SLC2A9: variants seen among roughly 807,000 people sequenced by gnomAD.
The protein encoded by SLC2A9 is solute carrier family 2 member 9.
A neutral mutation model predicts 50.6 loss-of-function variants in SLC2A9; 39 were observed. The observed-to-expected ratio is 0.77, with a 90% CI of 0.60 to 1.01. The LOEUF is 1.01. Ranked by LOEUF, SLC2A9 falls within the 50% of genes least tolerant of loss-of-function variation. The probability of loss-of-function intolerance (pLI) is 0.00; values close to 1 mark genes in which losing one functional copy is unlikely to be tolerated. For synonymous variants in SLC2A9, 324 were observed against 276.9 expected (o/e 1.17, Z -1.69); for missense variants, 686 against 677.6 (o/e 1.01, Z -0.14).
At chr4:9,958,993 GTA>G (rs1175801860) in intron 5 of SLC2A9, among the ~76,000 whole-genome samples, 14 of 43,420 alleles carry the variant, frequency 3.2e-4, no homozygotes, top group African/African-American at 1.1e-3. Flanking sequence ...AGAAAGGAAA[GTA>G]ATCGGTAAAT....
chr4:9,899,093 G>A (rs1481806690), intron 8 of SLC2A9, among the ~76,000 whole-genome samples: 1 of 152,186 alleles, frequency 6.6e-6, no homozygotes, highest in Non-Finnish European at 1.5e-5. Flanking sequence ...GCAGACAACT[G>A]AGACTCTTTC....
intron 7 of SLC2A9, 116 bp downstream of exon 7, chr4:9,920,269 T>C: frequency 9.3e-7 from 1 of 1,079,076 alleles, no homozygotes; most frequent in Non-Finnish European, 1.4e-6. Flanking sequence ...GCATAGAGTT[T>C]GTGGCAATGA....
chr4:9,983,476 C>T (rs1317380887), intron 4 of SLC2A9, among the ~76,000 whole-genome samples: 1 of 152,184 alleles, frequency 6.6e-6, no homozygotes, highest in Admixed American at 6.5e-5. Context: ...CAGCCCAGGC[C>T]CCCCTGGCCC....
chr4:9,850,247 AC>A (rs1729658639), intron 10 of SLC2A9, among the ~76,000 whole-genome samples: 1 of 152,154 alleles, frequency 6.6e-6, no homozygotes, highest in Admixed American at 6.5e-5. Context: ...AGGATACCCC[AC>A]AACCCCCACA....
chr4:9,984,043 A>G (rs2109128477), intron 4 of SLC2A9, among the ~76,000 whole-genome samples: 1 of 152,308 alleles, frequency 6.6e-6, no homozygotes, highest in Non-Finnish European at 1.5e-5. Context: ...CAGTTATAAA[A>G]CATTACATAG....
intron 10 of SLC2A9, among the ~76,000 whole-genome samples, chr4:9,862,428 T>G (rs1230927437): frequency 6.6e-6 from 1 of 152,122 alleles, no homozygotes; most frequent in Non-Finnish European, 1.5e-5. Context: ...ACTCATTCCC[T>G]GGGTGTCTCC....
rs941788472 is a variant in SLC2A9 at position 10,018,997 on chromosome 4, G to C, written c.227C>G (p.Ser76Trp). ...CACCGGGGTGGGGGCATTCACCACC[G>C]ACAGGTTGTAGCCGTAGAGGAAGGA... ...GSSFLYGYNLSVVNAPTPYIK... is the reference protein window; with the variant it reads ...GSSFLYGYNLWVVNAPTPYIK... Residue 76 changes from serine (S) to tryptophan (W), a missense_variant, in exon 2 of 12, where the codon TCG (serine) becomes TGG (tryptophan). Ser to Trp is a radical substitution (Grantham distance 177, BLOSUM62 -3). Transcript: ENST00000264784. 6.5e-6 allele frequency: 10 copies of C among 1,550,196 alleles called. No individual in the cohort carries two copies. The highest frequency in any genetic ancestry group is 2.0e-5 in the Admixed American group (1 of 50,988).
At chr4:9,778,819 T>C (rs1464162563), downstream of SLC2A9, among the ~76,000 whole-genome samples, 2 of 152,114 alleles carry the variant, frequency 1.3e-5, no homozygotes, top group Non-Finnish European at 2.9e-5. Context: ...TTTTTTTCTT[T>C]CTTTCTTTTC....
At chr4:9,834,815 A>G (rs987167243) in intron 11 of SLC2A9, 66 bp downstream of exon 11, 48 of 1,608,842 alleles carry the variant, frequency 3.0e-5, no homozygotes, top group Non-Finnish European at 4.0e-5. Context: ...TGCTCTATGA[A>G]TCACCCCTCA....
intron 10 of SLC2A9, among the ~76,000 whole-genome samples, chr4:9,865,183 T>C (rs1732252947): frequency 6.6e-6 from 1 of 152,236 alleles, no homozygotes; most frequent in Admixed American, 6.5e-5. Flanking sequence ...TTTGGCAATG[T>C]CTGGAGACAT....
intron 2 of SLC2A9, among the ~76,000 whole-genome samples, chr4:10,005,291 G>A (rs76388621): frequency 2.0e-5 from 3 of 152,196 alleles, no homozygotes; most frequent in Admixed American, 6.5e-5. Context: ...ATTCTTGAAG[G>A]TGCAGAAACC....
At chr4:9,978,185 C>T (rs1419618066) in intron 5 of SLC2A9, among the ~76,000 whole-genome samples, 1 of 152,164 alleles carries the variant, frequency 6.6e-6, no homozygotes, top group Non-Finnish European at 1.5e-5. Flanking sequence ...GGTGAGTCGA[C>T]CTTCCCAAGG....
chr4:10,016,607 C>T (rs796795281), intron 2 of SLC2A9, among the ~76,000 whole-genome samples: 6 of 152,176 alleles, frequency 3.9e-5, no homozygotes, highest in African/African-American at 1.4e-4. Context: ...TAAACTCTCT[C>T]TGTTTGGCTT....
intron 1 of SLC2A9, among the ~76,000 whole-genome samples, chr4:9,773,256 C>T (rs1717085501): frequency 6.6e-6 from 1 of 152,192 alleles, no homozygotes; most frequent in Admixed American, 6.5e-5. Context: ...TGCCCCTCCC[C>T]ATCCCCTCCC....
intron 10 of SLC2A9, among the ~76,000 whole-genome samples, chr4:9,866,664 C>T (rs1309778459): frequency 6.6e-6 from 1 of 152,122 alleles, no homozygotes; most frequent in African/African-American, 2.4e-5. Context: ...GACGATGCTG[C>T]CATTACTCCT....
At chr4:9,893,410 G>T (rs1737905556) in intron 8 of SLC2A9, among the ~76,000 whole-genome samples, 1 of 152,028 alleles carries the variant, frequency 6.6e-6, no homozygotes, top group African/African-American at 2.4e-5. Flanking sequence ...GGGGAGGGCG[G>T]GGAGGGCAGT....
intron 10 of SLC2A9, among the ~76,000 whole-genome samples, chr4:9,883,988 C>G (rs568999874): frequency 1.3e-5 from 2 of 152,186 alleles, no homozygotes; most frequent in Non-Finnish European, 2.9e-5. Context: ...AGTCTTTCTC[C>G]TTTTCACCTA....
intron 6 of SLC2A9, among the ~76,000 whole-genome samples, chr4:9,934,295 C>T (rs1236904295): frequency 6.6e-6 from 1 of 152,204 alleles, no homozygotes; most frequent in African/African-American, 2.4e-5. Context: ...AAAAATGATG[C>T]CAAGTAGATG....
At chr4:9,812,150 G>A (rs1244006701) in intron 3 of SLC2A9, among the ~76,000 whole-genome samples, 2 of 152,092 alleles carry the variant, frequency 1.3e-5, no homozygotes, top group African/African-American at 4.8e-5. Context: ...AAATTTTATT[G>A]GCCTGGTGAT....
Sources: gnomAD v4.1 joint callset for allele counts (sites outside exome capture counted in the v4.1 genomes callset) on GRCh38, gnomAD v4.1.1 for gene constraint, MANE v1.5 for transcripts, NCBI Gene and HGNC (gene_info 2026-07-23, HGNC 2026-07-21) for gene names.